ZFR2: variants seen among roughly 807,000 people sequenced by gnomAD.
The protein encoded by ZFR2 is zinc finger RNA-binding protein 2.
In ZFR2, 104 loss-of-function variants were observed where a neutral mutation model predicts 105.7. That is an observed-to-expected ratio of 0.98 (90% confidence interval 0.84 to 1.16). The LOEUF (loss-of-function observed/expected upper bound fraction) is 1.16, where lower values mean the gene tolerates loss of function less well. ZFR2 is among the 50% of genes most tolerant of loss of function. ZFR2 has a pLI of 0.00. For synonymous variants in ZFR2, 634 were observed against 597.7 expected (o/e 1.06, Z -0.89); for missense variants, 1,425 against 1,355.5 (o/e 1.05, Z -0.80).
intron 1 of ZFR2, among the ~76,000 whole-genome samples, chr19:3,854,319 G>A (rs1415717087): frequency 6.6e-6 from 1 of 151,992 alleles, no homozygotes; most frequent in Non-Finnish European, 1.5e-5. Context: ...CTTGAACCTA[G>A]GAGGCGGAAG....
Position 3,813,637 on chromosome 19 carries a change from C to T in ZFR2, c.2242+183G>A, listed in dbSNP as rs1165868192. On this transcript the variant is annotated intron_variant, in intron 14 of 18. Transcript: ENST00000262961. The surrounding 1 kb of genome is among the most constrained non-coding windows in gnomAD (Gnocchi z 4.4). Reference sequence around the variant, plus strand: ...TGCTGTCACCGACTCGCCGCCTCTGCTGCCCGGAGACCCAGCTCTTGTGTG... The same window carrying T: ...TGCTGTCACCGACTCGCCGCCTCTGTTGCCCGGAGACCCAGCTCTTGTGTG... Among the ~76,000 whole-genome samples, 1 of 152,216 alleles carries T rather than the reference C, an allele frequency of 6.6e-6. No homozygotes were observed. Among genetic ancestry groups the T allele is most frequent in the Non-Finnish European group, 1.5e-5 (1 of 68,038 alleles).
intron 5 of ZFR2, among the ~76,000 whole-genome samples, chr19:3,828,962 CTTT>C (rs34334054): frequency 3.6e-5 from 5 of 139,756 alleles, no homozygotes; most frequent in Admixed American, 1.5e-4. Context: ...ACTTAGGAAT[CTTT>C]TTTTTTTTTT....
chr19:3,814,384 C>T (rs2037803729), intron 13 of ZFR2, among the ~76,000 whole-genome samples: 1 of 152,216 alleles, frequency 6.6e-6, no homozygotes, highest in Non-Finnish European at 1.5e-5. Context: ...ACGCCACCAT[C>T]TCCTGTGAGC....
At chr19:3,830,054 C>G (rs537282053) in intron 5 of ZFR2, among the ~76,000 whole-genome samples, 5 of 152,110 alleles carry the variant, frequency 3.3e-5, no homozygotes, top group Non-Finnish European at 5.9e-5. Flanking sequence ...CATCCTGGCA[C>G]TATGGGAGGC....
At chr19:3,856,766 T>A (rs2038306611) in intron 1 of ZFR2, among the ~76,000 whole-genome samples, 1 of 152,224 alleles carries the variant, frequency 6.6e-6, no homozygotes, top group South Asian at 2.1e-4. Flanking sequence ...AGTCTTGCTC[T>A]GTCGCCCAGG....
intron 1 of ZFR2, among the ~76,000 whole-genome samples, chr19:3,844,208 TA>T (rs2038165960): frequency 6.6e-6 from 1 of 152,170 alleles, no homozygotes; most frequent in African/African-American, 2.4e-5. Context: ...TTATGTTATC[TA>T]GACTTTATCA....
At chr19:3,847,448 C>A (rs563691826) in intron 1 of ZFR2, among the ~76,000 whole-genome samples, 1 of 152,086 alleles carries the variant, frequency 6.6e-6, no homozygotes, top group African/African-American at 2.4e-5. Context: ...CACTTGAACC[C>A]GGGAGGCAGA....
rs1186833965 is a variant in ZFR2 at position 3,804,345 on chromosome 19, T to TC, written c.*1603dup. The TC allele has an allele frequency of 1.3e-5, 2 of 151,670 alleles. No homozygotes were observed. Among genetic ancestry groups the TC allele is most frequent in the East Asian group, 3.9e-4 (2 of 5,114 alleles). 9.4% of individuals were successfully genotyped at this position (151,670 alleles called of 1,614,324 possible). On this transcript the variant is annotated 3_prime_UTR_variant, in exon 19 of 19. Transcript: ENST00000262961. ...CACAAGACGGCGGCCCCTCCCCGGG[T>TC]CCCCCAGGCACGGGTCCCGGGCCCT...
chr19:3,857,893 G>C (rs564831318), intron 1 of ZFR2, among the ~76,000 whole-genome samples: 1 of 152,170 alleles, frequency 6.6e-6, no homozygotes, highest in South Asian at 2.1e-4. Context: ...CCTGGGAGGG[G>C]AGAAGAGCAC....
Position 3,856,109 on chromosome 19 carries a change from G to T in ZFR2, c.53+12856C>A, listed in dbSNP as rs995155826. ...GCGCGGTGGAGGCGGTGCGCGTGCA[G>T]GGGCGTGCGCTCAAGGTCAGAAGAA... is the stretch of plus-strand genomic sequence containing the variant. On this transcript the variant is annotated intron_variant, in intron 1 of 18. Coordinates refer to ENST00000262961, the MANE Select transcript of ZFR2 (RefSeq NM_015174.2). Among the ~76,000 whole-genome samples the T allele has an allele frequency of 3.9e-5, 6 of 152,220 alleles. 2 individuals carry two copies. Among genetic ancestry groups the T allele is most frequent in the Admixed American group, 3.9e-4 (6 of 15,294 alleles).
At position 3,832,639 on chromosome 19, in the gene ZFR2, T is replaced by A. The variant is rs8108481; in HGVS notation, c.380-761A>T. 9.3e-3 allele frequency among the ~76,000 whole-genome samples: 1,405 copies of A among 150,390 alleles called. 20 individuals carry two copies. Among genetic ancestry groups the A allele is most frequent in the African/African-American group, 0.033 (1,353 of 40,932 alleles). On this transcript the variant is annotated intron_variant, in intron 3 of 18. Transcript: ENST00000262961. ...CCGGCCTTTATTTTGTTTTTTTTTT[T>A]TATTTTTTATTTTTTAGAGACAGGG...
In ZFR2 at chr19:3,821,417, C is replaced by T. The variant is rs2037891420; in HGVS notation, c.1554G>A (p.Leu518=). The change falls in exon 10 of 19, where the codon CTG becomes CTA. Residue 518 remains leucine, a synonymous_variant. Transcript: ENST00000262961. ...GCCGCTGCTTCCTCATGCGCTCCTC[C>T]AGGACCTTCCGAGCCCGGCTGCTGG... ...TEPSSRARKV[L]EERMRKQRHL... 1 of 1,611,330 alleles carries T rather than the reference C, an allele frequency of 6.2e-7. No individual in the cohort carries two copies. The highest frequency in any genetic ancestry group is 8.5e-7 in the Non-Finnish European group (1 of 1,178,832).
chr19:3,818,515 GAGCA>G lies in ZFR2; in HGVS notation c.1931+526_1931+529del. Among the ~76,000 whole-genome samples, 2 of 152,260 alleles carry G rather than the reference GAGCA, an allele frequency of 1.3e-5. 1 individual carries two copies. The highest frequency in any genetic ancestry group is 4.1e-4 in the South Asian group (2 of 4,820). ...CAACAACAACAAACAGCAGCTGCCAGAGCAGGAAAGGACTTTGAAAAAAGGTAAC... is the reference window on the plus strand; with the variant it reads ...CAACAACAACAAACAGCAGCTGCCAGGGAAAGGACTTTGAAAAAAGGTAAC... On this transcript the variant is annotated intron_variant, in intron 12 of 18. Transcript: ENST00000262961.
chr19:3,822,866 C>T (rs1463450712), intron 8 of ZFR2, among the ~76,000 whole-genome samples: 2 of 152,214 alleles, frequency 1.3e-5, no homozygotes, highest in Non-Finnish European at 2.9e-5. Flanking sequence ...CCAGCCTGAC[C>T]TTGGCAGGTC....
rs1029424992 is a variant in ZFR2, at chr19:3,820,317, T to C, written c.1632-27A>G. The C allele has an allele frequency of 2.0e-6, 3 of 1,531,986 alleles. No homozygotes were observed. The African/African-American group carries it at 4.1e-5, about 21-fold the overall frequency. 94.9% of individuals were successfully genotyped at this position (1,531,986 alleles called of 1,614,324 possible). A position where few individuals can be genotyped will look rare whatever the true frequency, so the allele number is the denominator to read the frequency against. ...TGCAGGACCGAGACGTGACAGAGCATGGTCAGGCCAGCAGTGGCCCTAAGC... is the reference window on the plus strand; with the variant it reads ...TGCAGGACCGAGACGTGACAGAGCACGGTCAGGCCAGCAGTGGCCCTAAGC... On this transcript the variant is annotated intron_variant, in intron 10 of 18. Coordinates refer to ENST00000262961, the MANE Select transcript of ZFR2 (RefSeq NM_015174.2).
Position 3,834,934 on chromosome 19 carries a change from C to T in ZFR2, c.103G>A (p.Ala35Thr). Residue 35 changes from alanine (A) to threonine (T), a missense_variant, in exon 2 of 19, where the codon GCA becomes ACA. Ala to Thr is a moderately conservative substitution (Grantham distance 58, BLOSUM62 0). Coordinates refer to ENST00000262961, the MANE Select transcript of ZFR2 (RefSeq NM_015174.2). The surrounding 1 kb of genome is among the most constrained non-coding windows in gnomAD (Gnocchi z 5.3). ...GGGTCCATCCCAGGAGTGGGTTGTG[C>T]AGTATAGCTGGCCCCCACAGTGGGC... ...PLPTVGASYTAQPTPGMDPAV... is the reference protein window; with the variant it reads ...PLPTVGASYTTQPTPGMDPAV... The T allele has an allele frequency of 6.2e-7, 1 of 1,611,634 alleles. No homozygotes were observed. Among genetic ancestry groups the T allele is most frequent in the Non-Finnish European group, 8.5e-7 (1 of 1,179,088 alleles).
intron 18 of ZFR2, among the ~76,000 whole-genome samples, chr19:3,806,646 C>A (rs2145127049): frequency 6.6e-6 from 1 of 152,042 alleles, no homozygotes; most frequent in African/African-American, 2.4e-5. Flanking sequence ...AAGGACTGTC[C>A]CAGGAGGCCC....
At chr19:3,807,562 T>A (rs1395933213) in intron 17 of ZFR2, among the ~76,000 whole-genome samples, 1 of 152,154 alleles carries the variant, frequency 6.6e-6, no homozygotes, top group Non-Finnish European at 1.5e-5. Context: ...CTGACGTGTG[T>A]GTCCATGCGT....
intron 11 of ZFR2, among the ~76,000 whole-genome samples, chr19:3,819,443 G>A (rs2037865077): frequency 6.6e-6 from 1 of 152,214 alleles, no homozygotes; most frequent in African/African-American, 2.4e-5. Flanking sequence ...GGAAGCTCGG[G>A]TCTGAGTGAA....
Sources: allele counts gnomAD v4.1 joint callset (sites outside exome capture counted in the v4.1 genomes callset), GRCh38; gene constraint gnomAD v4.1.1; non-coding constraint Gnocchi (gnomAD v3.1); transcripts MANE v1.5; gene names NCBI Gene and HGNC (gene_info 2026-07-23, HGNC 2026-07-21).